The following SDK1 variants were observed in gnomAD, a reference collection of about 807,000 sequenced individuals.
SDK1 encodes the protein sidekick cell adhesion molecule 1.
In SDK1, 157 loss-of-function variants were observed where a neutral mutation model predicts 245.5. That is an observed-to-expected ratio of 0.64 (90% CI 0.56 to 0.73). The LOEUF (loss-of-function observed/expected upper bound fraction) is 0.73. Among genes scored for constraint, SDK1 ranks in the 30% least tolerant of loss-of-function variants. The probability of loss-of-function intolerance (pLI) is 0.00; values close to 1 mark genes in which losing one functional copy is unlikely to be tolerated. For missense variants in SDK1, 3,583 were observed against 3,002.3 expected (o/e 1.19, Z -4.52); for synonymous variants, 1,647 against 1,278.5 (o/e 1.29, Z -6.15).
intron 4 of SDK1, among the ~76,000 whole-genome samples, chr7:3,740,380 T>C (rs2115051437): frequency 6.6e-6 from 1 of 152,224 alleles, no homozygotes; most frequent in Middle Eastern, 3.4e-3. Context: ...CCATTTAAGG[T>C]TTTTGGTCTG....
At chr7:3,639,770 C>G (rs985886643) in intron 3 of SDK1, among the ~76,000 whole-genome samples, 8 of 151,864 alleles carry the variant, frequency 5.3e-5, no homozygotes, top group South Asian at 2.1e-4. Context: ...AATGGACTGT[C>G]TGCTTTATTT....
chr7:4,081,151 C>A (rs946906115), intron 22 of SDK1, among the ~76,000 whole-genome samples: 2 of 152,208 alleles, frequency 1.3e-5, no homozygotes, highest in African/African-American at 2.4e-5. Context: ...TAGGGCTAGG[C>A]AGGCCACAGC....
At chr7:3,797,810 T>C (rs1779000216) in intron 4 of SDK1, among the ~76,000 whole-genome samples, 1 of 152,206 alleles carries the variant, frequency 6.6e-6, no homozygotes, top group South Asian at 2.1e-4. Context: ...GATTTCTAGC[T>C]CTTCCTTTAT....
At chr7:4,057,529 A>G (rs193107839) in intron 19 of SDK1, among the ~76,000 whole-genome samples, 1 of 152,224 alleles carries the variant, frequency 6.6e-6, no homozygotes, top group Non-Finnish European at 1.5e-5. Context: ...TGCCTATAGC[A>G]TGCCTGCTGT....
At chr7:3,376,684 G>T (rs1159778760) in intron 1 of SDK1, among the ~76,000 whole-genome samples, 1 of 152,070 alleles carries the variant, frequency 6.6e-6, no homozygotes. Context: ...TTTCTGGAGG[G>T]CAGTCTAGTA....
intron 5 of SDK1, among the ~76,000 whole-genome samples, chr7:3,916,299 A>G (rs1327852118): frequency 6.6e-6 from 1 of 152,212 alleles, no homozygotes; most frequent in African/African-American, 2.4e-5. Context: ...GTAAATCTAC[A>G]CTTTACATGA....
rs1480890567 is a variant in SDK1 at position 3,971,468 on chromosome 7, C to A, written c.1717C>A (p.Arg573=). The A allele has an allele frequency of 1.9e-6, 3 of 1,608,166 alleles. No individual in the cohort carries two copies. Among genetic ancestry groups the A allele is most frequent in the Non-Finnish European group, 1.7e-6 (2 of 1,175,432 alleles). ...NASATLTVWN[R]TSIVHPPEDH... ...CTCGTGACTTGTGTTTTTTTCAGAT[C>A]GGACGTCCATCGTCCACCCTCCTGA... is the stretch of plus-strand genomic sequence containing the variant. The change falls in exon 12 of 45, where the codon CGG becomes AGG. Residue 573 remains arginine, a splice_region_variant and synonymous_variant. Transcript: ENST00000404826.
At chr7:4,028,984 A>G (rs931970779) in intron 17 of SDK1, among the ~76,000 whole-genome samples, 9 of 151,984 alleles carry the variant, frequency 5.9e-5, no homozygotes, top group Non-Finnish European at 7.4e-5. Flanking sequence ...TGTAATTCCC[A>G]GGAAGCCATC....
chr7:3,310,098 A>G (rs1168755626), intron 1 of SDK1, among the ~76,000 whole-genome samples: 1 of 152,156 alleles, frequency 6.6e-6, no homozygotes. Flanking sequence ...TTTGGCCATC[A>G]TCTCTCAGTT....
rs1788631600 is a variant in SDK1 at position 4,268,816 on chromosome 7, A to G, written c.*3432A>G. On this transcript the variant is annotated 3_prime_UTR_variant, in exon 45 of 45. Transcript: ENST00000404826. ...ATGAGCTGAGCCTGCCCGCTGGGAC[A>G]CGTCTCCTTCCCGCGTCACCTTCTG... is the stretch of plus-strand genomic sequence containing the variant. 3 of 1,185,326 alleles carry G rather than the reference A, an allele frequency of 2.5e-6. No individual in the cohort carries two copies. The highest frequency in any genetic ancestry group is 2.3e-6 in the Non-Finnish European group (2 of 856,644). 73.4% of individuals were successfully genotyped at this position (1,185,326 alleles called of 1,614,324 possible). A position where few individuals can be genotyped will look rare whatever the true frequency, so the allele number is the denominator to read the frequency against.
chr7:3,821,373 G>A, intron 4 of SDK1, 77 bp from the exon 5 acceptor site: 2 of 1,478,762 alleles, frequency 1.4e-6, no homozygotes, highest in South Asian at 1.3e-5. Flanking sequence ...CTTTATAGTT[G>A]GCCTAATTAA....
At chr7:3,961,892 T>C (rs1266932747) in intron 8 of SDK1, among the ~76,000 whole-genome samples, 2 of 152,184 alleles carry the variant, frequency 1.3e-5, no homozygotes, top group East Asian at 1.9e-4. Flanking sequence ...TGTACACATA[T>C]ATGCAGGTGC....
chr7:3,629,552 A>G (rs1782228219), intron 2 of SDK1, among the ~76,000 whole-genome samples: 2 of 152,216 alleles, frequency 1.3e-5, no homozygotes, highest in South Asian at 2.1e-4. Context: ...TCATGAGTTT[A>G]TCAGATAGCC....
chr7:4,110,575 A>G (rs1783273685), intron 22 of SDK1, 88 bp from the exon 23 acceptor site: 1 of 931,154 alleles, frequency 1.1e-6, no homozygotes, highest in African/African-American at 1.6e-5. Flanking sequence ...TGCCCAGCTC[A>G]CCAGGTACCA....
intron 13 of SDK1, among the ~76,000 whole-genome samples, chr7:3,978,072 G>A (rs548110243): frequency 9.2e-5 from 14 of 152,098 alleles, no homozygotes; most frequent in East Asian, 3.9e-4. Flanking sequence ...CCTTCCTTTC[G>A]GGTCTCAGAC....
In SDK1 at chr7:3,616,664, G is replaced by A. The variant is rs143518590; in HGVS notation, c.299-2416G>A. Among the ~76,000 whole-genome samples the A allele has an allele frequency of 4.5e-3, 683 of 152,088 alleles. 6 individuals are homozygous for A. The highest frequency in any genetic ancestry group is 7.5e-3 in the Non-Finnish European group (508 of 67,982). The stretch of plus-strand genomic sequence containing the variant: ...AATGAATAAATACTTGTGAGAGGTT[G>A]GTAATATTGTATTACTAATATACCA... On this transcript the variant is annotated intron_variant, in intron 1 of 44. Coordinates refer to ENST00000404826, the MANE Select transcript of SDK1 (RefSeq NM_152744.4).
chr7:3,330,854 C>G (rs995675647), intron 1 of SDK1, among the ~76,000 whole-genome samples: 1 of 147,602 alleles, frequency 6.8e-6, no homozygotes. Context: ...TACCTGTAGT[C>G]CTATCTACTT....
chr7:3,933,322 T>A (rs530480786), intron 5 of SDK1, among the ~76,000 whole-genome samples: 1 of 152,128 alleles, frequency 6.6e-6, no homozygotes, highest in South Asian at 2.1e-4. Context: ...CATGTTGCCA[T>A]GGCTGGTCTC....
At position 3,769,717 on chromosome 7, in the gene SDK1, G is replaced by T. The variant is rs116269385; in HGVS notation, c.714-51733G>T. 5.4e-3 allele frequency among the ~76,000 whole-genome samples: 817 copies of T among 152,154 alleles called. 5 individuals carry two copies. Among genetic ancestry groups the T allele is most frequent in the African/African-American group, 0.018 (767 of 41,528 alleles). ...TTCAACTCAGATGAGGGATGAGCCT[G>T]CCTGGACTGCCTTCTATGGTAGGTT... On this transcript the variant is annotated intron_variant, in intron 4 of 44. Transcript: ENST00000404826.
Sources: allele counts gnomAD v4.1 joint callset (sites outside exome capture counted in the v4.1 genomes callset), GRCh38; gene constraint gnomAD v4.1.1; transcripts MANE v1.5; gene names NCBI Gene and HGNC (gene_info 2026-07-23, HGNC 2026-07-21).